Variants in VEGFB observed in about 807,000 individuals in gnomAD.
VEGFB encodes the protein vascular endothelial growth factor B.
A neutral mutation model predicts 22.5 loss-of-function variants in VEGFB; 24 were observed. The ratio of observed to expected loss-of-function variants is 1.07; its 90% CI spans 0.77 to 1.50. The LOEUF is 1.50. Among genes scored for constraint, VEGFB ranks in the 40% most tolerant of loss-of-function variants. VEGFB has a pLI of 0.00. For synonymous variants in VEGFB, 141 were observed against 117.4 expected (o/e 1.20, Z -1.30); for missense variants, 327 against 287.8 (o/e 1.14, Z -0.99).
At chr11:64,237,965 A>G (rs749512189) in intron 6 of VEGFB, 13 of 480,848 alleles carry the variant, frequency 2.7e-5, no homozygotes, top group Non-Finnish European at 4.8e-5. Context: ...CCGGAGTAGA[A>G]ATGTAGGACA....
chr11:64,238,835 T>C lies in VEGFB; in HGVS notation c.*502T>C. On this transcript the variant is annotated 3_prime_UTR_variant, in exon 7 of 7. Coordinates refer to ENST00000309422, the MANE Select transcript of VEGFB (RefSeq NM_003377.5). ...TTTGTCACTGTCCAGGCTGGCTGGT[T>C]TGGGCATGAATGTCTGCATCACTAA... 1 of 189,364 alleles carries C rather than the reference T, an allele frequency of 5.3e-6. No individual in the cohort carries two copies. Among genetic ancestry groups the C allele is most frequent in the Non-Finnish European group, 1.1e-5 (1 of 87,880 alleles). The allele number at this position is 189,364 out of a possible 1,614,324, so 11.7% of individuals were successfully genotyped here.
chr11:64,237,123 G>T (rs1352195371), intron 4 of VEGFB, 64 bp from the exon 5 acceptor site: 1 of 661,992 alleles, frequency 1.5e-6, no homozygotes, highest in Non-Finnish European at 2.3e-6. Flanking sequence ...GAGAGAGAGA[G>T]TAGGATGCTG....
At position 64,238,540 on chromosome 11, in the gene VEGFB, T is replaced by C; in HGVS notation, c.*207T>C. On this transcript the variant is annotated 3_prime_UTR_variant, in exon 7 of 7. Coordinates refer to ENST00000309422, the MANE Select transcript of VEGFB (RefSeq NM_003377.5). ...TCTCAGAGGGCTCTTCTGCCATCCC[T>C]TGTCTCCCTGAGGCCATCATCAAAC... 1.2e-6 allele frequency: 1 copy of C among 804,426 alleles called. No individual in the cohort carries two copies. The highest frequency in any genetic ancestry group is 2.0e-6 in the Non-Finnish European group (1 of 506,410). The allele number at this position is 804,426 out of a possible 1,614,324, so 49.8% of individuals were successfully genotyped here.
Position 64,238,640 on chromosome 11 carries a change from G to C in VEGFB, c.*307G>C, listed in dbSNP as rs2030265392. On this transcript the variant is annotated 3_prime_UTR_variant, in exon 7 of 7. Transcript: ENST00000309422. ...CCAGCTCAGGGGAGAATGGAGTACT[G>C]TCTCAGTTTCTAACCACTCTGTGCA... The C allele has an allele frequency of 1.8e-6, 1 of 567,208 alleles. No homozygotes were observed. The highest frequency in any genetic ancestry group is 2.1e-5 in the South Asian group (1 of 48,604). 35.1% of individuals were successfully genotyped at this position (567,208 alleles called of 1,614,324 possible).
At chr11:64,238,009 G>C (rs899049373) in intron 6 of VEGFB, 5 of 482,986 alleles carry the variant, frequency 1.0e-5, no homozygotes, top group African/African-American at 9.6e-5. Flanking sequence ...GGCCTTCCCA[G>C]AAGCCCCTGT....
intron 3 of VEGFB, 29 bp downstream of exon 3, chr11:64,236,038 G>C (rs1565316958): frequency 6.4e-7 from 1 of 1,561,786 alleles, no homozygotes; most frequent in East Asian, 2.4e-5. Flanking sequence ...AACGGGCAGG[G>C]GATGCAGGTA....
In VEGFB at chr11:64,237,083, C is replaced by CGAG. The variant is rs1555056088; in HGVS notation, c.375-104_375-103insGAG. ...GGGCAAGAAGAGGGAAACACAGTCT[C>CGAG]AAAGAGAGAGAGAGAGAGAGAGAGA... On this transcript the variant is annotated intron_variant, in intron 4 of 6. Coordinates refer to ENST00000309422, the MANE Select transcript of VEGFB (RefSeq NM_003377.5). 24 of 650,478 alleles carry CGAG rather than the reference C, an allele frequency of 3.7e-5. 4 individuals carry two copies. The highest frequency in any genetic ancestry group is 5.3e-4 in the Middle Eastern group (1 of 1,876). The allele number at this position is 650,478 out of a possible 1,614,324, so 40.3% of individuals were successfully genotyped here.
intron 4 of VEGFB, 104 bp downstream of exon 4, chr11:64,236,431 A>G (rs1392719903): frequency 9.3e-6 from 11 of 1,186,458 alleles, no homozygotes; most frequent in Middle Eastern, 2.0e-4. Flanking sequence ...AGTAGAACCA[A>G]GGGGCCGGGC....
intron 2 of VEGFB, 32 bp downstream of exon 2, chr11:64,235,532 C>G: frequency 6.2e-7 from 1 of 1,610,924 alleles, no homozygotes; most frequent in Non-Finnish European, 8.5e-7. Flanking sequence ...CACTAGCCAG[C>G]ACTAAGAGGG....
Position 64,237,577 on chromosome 11 carries a change from C to T in VEGFB, c.568C>T (p.Pro190Ser), listed in dbSNP as rs2030200959. 1.3e-6 allele frequency: 2 copies of T among 1,597,574 alleles called. No individual in the cohort carries two copies. Among genetic ancestry groups the T allele is most frequent in the African/African-American group, 1.3e-5 (1 of 74,868 alleles). The stretch of plus-strand genomic sequence containing the variant: ...CACCACCAGCGCCCTGACCCCCGGA[C>T]CTGCCGCTGCCGCTGCCGACGCCGC... ...PSTTSALTPG[P>S]AAAAADAAAS... The change falls in exon 6 of 7, where the codon CCT becomes TCT. Residue 190 changes from proline (P) to serine (S), a missense_variant. Transcript: ENST00000309422.
intron 3 of VEGFB, 31 bp from the exon 4 acceptor site, chr11:64,236,223 A>T: frequency 6.2e-7 from 1 of 1,610,708 alleles, no homozygotes; most frequent in East Asian, 2.2e-5. Context: ...TCTCTCCCTC[A>T]CTGTCCCCCC....
Position 64,237,223 on chromosome 11 carries a change from G to C in VEGFB, c.410+1G>C, listed in dbSNP as rs113008340. On this transcript the variant is annotated splice_donor_variant, in intron 5 of 6. Coordinates refer to ENST00000309422, the MANE Select transcript of VEGFB (RefSeq NM_003377.5). LOFTEE classifies it high-confidence loss of function. ...AGGACAGTGCTGTGAAGCCAGACAG[G>C]TGAGTCTTTTGGACTCCAGCTGAGT... is the stretch of plus-strand genomic sequence containing the variant. 11 of 1,608,654 alleles carry C rather than the reference G, an allele frequency of 6.8e-6. No individual in the cohort carries two copies. The East Asian group carries it at 2.0e-4, about 29-fold the overall frequency.
rs557230882 is a variant in VEGFB, at chr11:64,237,005, C to T, written c.375-182C>T. 2.6e-4 allele frequency: 118 copies of T among 455,988 alleles called. 6 individuals carry two copies. The highest frequency in any genetic ancestry group is 1.9e-3 in the East Asian group (46 of 24,436). The allele number at this position is 455,988 out of a possible 1,614,324, so 28.2% of individuals were successfully genotyped here. ...GGCTGAGACAAGAGAATAGCTTGAA[C>T]CTGGGAGGCGGAGGTTGCAGTGAGC... On this transcript the variant is annotated intron_variant, in intron 4 of 6. Transcript: ENST00000309422.
rs1591082010 is a variant in VEGFB, at chr11:64,237,486, A to C, written c.477A>C (p.Ala159=). 1 of 1,610,128 alleles carries C rather than the reference A, an allele frequency of 6.2e-7. No homozygotes were observed. The highest frequency in any genetic ancestry group is 1.3e-5 in the African/African-American group (1 of 74,170). ...CGGGCTGGGACTCTGCCCCCGGAGC[A>C]CCCTCCCCAGCTGACATCACCCATC... ...SVPGWDSAPG[A]PSPADITHPT... The change falls in exon 6 of 7, where the codon GCA becomes GCC. Residue 159 remains alanine, a synonymous_variant. Coordinates refer to ENST00000309422, the MANE Select transcript of VEGFB (RefSeq NM_003377.5).
chr11:64,235,670 C>A, intron 2 of VEGFB, 143 bp from the exon 3 acceptor site: 1 of 1,249,278 alleles, frequency 8.0e-7, no homozygotes, highest in Non-Finnish European at 1.1e-6. Flanking sequence ...TCTGGATAAA[C>A]AGGGCAGGGG....
rs759894494 is a variant in VEGFB, at chr11:64,237,613, G to C, written c.604G>C (p.Val202Leu). The C allele has an allele frequency of 1.3e-6, 2 of 1,576,926 alleles. No homozygotes were observed. The highest frequency in any genetic ancestry group is 8.6e-7 in the Non-Finnish European group (1 of 1,166,792). ...CGCTGCCGACGCCGCAGCTTCCTCCGTTGCCAAGGGCGGGGCTTAGAGCTC... is the reference window on the plus strand; with the variant it reads ...CGCTGCCGACGCCGCAGCTTCCTCCCTTGCCAAGGGCGGGGCTTAGAGCTC... ...AAAADAAASS[V>L]AKGGA Residue 202 changes from valine to leucine, a missense_variant, in exon 6 of 7, where the codon GTT (valine) becomes CTT (leucine). Val to Leu is a conservative substitution (Grantham distance 32, BLOSUM62 1). Transcript: ENST00000309422.
chr11:64,237,123 G>C (rs1352195371), intron 4 of VEGFB, 64 bp from the exon 5 acceptor site: 1 of 661,988 alleles, frequency 1.5e-6, no homozygotes, highest in Non-Finnish European at 2.3e-6. Context: ...GAGAGAGAGA[G>C]TAGGATGCTG....
intron 2 of VEGFB, 50 bp from the exon 3 acceptor site, chr11:64,235,763 C>T (rs566773939): frequency 1.2e-5 from 19 of 1,602,338 alleles, no homozygotes; most frequent in South Asian, 6.6e-5. Flanking sequence ...ATGCTGGGAG[C>T]AGCTGCAGGA....
Position 64,237,438 on chromosome 11 carries a change from C to T in VEGFB, c.429C>T (p.His143=), listed in dbSNP as rs201009063. The change falls in exon 6 of 7, where the codon CAC becomes CAT. Residue 143 remains histidine (H), a synonymous_variant. Coordinates refer to ENST00000309422, the MANE Select transcript of VEGFB (RefSeq NM_003377.5). ...VKPDRAATPH[H]RPQPRSVPGW... ...TCCCTAGGGCTGCCACTCCCCACCA[C>T]CGTCCCCAGCCCCGTTCTGTTCCGG... 2.5e-6 allele frequency: 4 copies of T among 1,596,482 alleles called. No homozygotes were observed. Among genetic ancestry groups the T allele is most frequent in the Non-Finnish European group, 3.4e-6 (4 of 1,166,970 alleles).
Sources: gnomAD v4.1 joint callset for allele counts on GRCh38, gnomAD v4.1.1 for gene constraint, MANE v1.5 for transcripts, NCBI Gene and HGNC (gene_info 2026-07-23, HGNC 2026-07-21) for gene names.